IGF2BP2: variants seen among roughly 807,000 people sequenced by gnomAD.
The protein encoded by IGF2BP2 is insulin-like growth factor 2 mRNA-binding protein 2.
A neutral mutation model predicts 75.8 loss-of-function variants in IGF2BP2; 17 were observed. The ratio of observed to expected loss-of-function variants is 0.22; its 90% confidence interval spans 0.15 to 0.34. The LOEUF (loss-of-function observed/expected upper bound fraction) is 0.34, where lower values mean the gene tolerates loss of function less well. Among genes scored for constraint, IGF2BP2 ranks in the 10% least tolerant of loss-of-function variants. The probability of loss-of-function intolerance (pLI) is 1.00; values close to 1 mark genes in which losing one functional copy is unlikely to be tolerated. For synonymous variants in IGF2BP2, 288 were observed against 295.6 expected (o/e 0.97, Z 0.26); for missense variants, 516 against 772.4 (o/e 0.67, Z 3.93).
intron 4 of IGF2BP2, among the ~76,000 whole-genome samples, chr3:185,695,272 A>C (rs1474898773): frequency 6.6e-6 from 1 of 152,242 alleles, no homozygotes; most frequent in Non-Finnish European, 1.5e-5. Flanking sequence ...AAACTAGCAG[A>C]ATAGATCATA....
At chr3:185,719,841 A>G (rs983363165) in intron 2 of IGF2BP2, among the ~76,000 whole-genome samples, 14 of 152,082 alleles carry the variant, frequency 9.2e-5, no homozygotes, top group African/African-American at 3.1e-4. Context: ...CTCAAAAAAG[A>G]AAGGAAGGAA....
intron 2 of IGF2BP2, among the ~76,000 whole-genome samples, chr3:185,807,862 C>T (rs1009710632): frequency 2.0e-5 from 3 of 152,212 alleles, no homozygotes; most frequent in South Asian, 2.1e-4. Context: ...GCTGAGCCAT[C>T]GGATGACTGT....
At chr3:185,806,179 GA>G (rs970044513) in intron 2 of IGF2BP2, among the ~76,000 whole-genome samples, 3 of 150,224 alleles carry the variant, frequency 2.0e-5, no homozygotes, top group East Asian at 1.9e-4. Context: ...CCCTGAAGCA[GA>G]AAAAAAAAGT....
chr3:185,797,836 G>T (rs1355325493), intron 2 of IGF2BP2, among the ~76,000 whole-genome samples: 1 of 149,778 alleles, frequency 6.7e-6, no homozygotes, highest in Non-Finnish European at 1.5e-5. Context: ...GCCTGGCGAG[G>T]TCAAGGCTCC....
rs753600987 is a variant in IGF2BP2, at chr3:185,657,351, C to T, written c.1321G>A (p.Ala441Thr). ...TGTGCCCCCTTCTTCCCGATGATGG[C>T]GCCCACAGCCTGGGTTGGGATGAAG... The part of the protein sequence containing the change: ...NLFIPTQAVG[A>T]IIGKKGAHIK... Residue 441 changes from alanine (A) to threonine (T), a missense_variant, in exon 12 of 16, where the codon GCC (alanine) becomes ACC (threonine). Transcript: ENST00000382199. 8.1e-6 allele frequency: 13 copies of T among 1,613,822 alleles called. No homozygotes were observed. Among genetic ancestry groups the T allele is most frequent in the South Asian group, 3.3e-5 (3 of 91,006 alleles).
intron 6 of IGF2BP2, among the ~76,000 whole-genome samples, chr3:185,687,887 A>G (rs1332007883): frequency 6.6e-6 from 1 of 152,072 alleles, no homozygotes; most frequent in Non-Finnish European, 1.5e-5. Flanking sequence ...AAAAATGGGC[A>G]CACACTTTGA....
intron 8 of IGF2BP2, 48 bp from the exon 9 acceptor site, chr3:185,675,479 A>C: frequency 6.3e-7 from 1 of 1,582,892 alleles, no homozygotes; most frequent in South Asian, 1.2e-5. Context: ...CGGGAAAAAT[A>C]AAATGCCCAA....
chr3:185,786,277 C>T (rs1359296581), intron 2 of IGF2BP2, among the ~76,000 whole-genome samples: 1 of 152,104 alleles, frequency 6.6e-6, no homozygotes, highest in Non-Finnish European at 1.5e-5. Flanking sequence ...ACTGAGAAAT[C>T]CTGGTGTAGA....
At chr3:185,799,544 C>T (rs1417843373) in intron 2 of IGF2BP2, among the ~76,000 whole-genome samples, 2 of 152,136 alleles carry the variant, frequency 1.3e-5, no homozygotes, top group South Asian at 2.1e-4. Flanking sequence ...GTCAGGAGAC[C>T]GAGACCATCC....
At chr3:185,690,667 T>C (rs1721826602) in intron 5 of IGF2BP2, among the ~76,000 whole-genome samples, 2 of 152,234 alleles carry the variant, frequency 1.3e-5, no homozygotes, top group African/African-American at 4.8e-5. Context: ...CCTAGTAGAA[T>C]TGTTAACTAT....
intron 7 of IGF2BP2, among the ~76,000 whole-genome samples, chr3:185,683,753 A>C (rs978892013): frequency 6.6e-6 from 1 of 152,186 alleles, no homozygotes; most frequent in African/African-American, 2.4e-5. Context: ...ACAACTTTTA[A>C]AGAAGTTTTC....
chr3:185,673,127 C>T (rs1290956328), intron 9 of IGF2BP2, among the ~76,000 whole-genome samples: 1 of 152,194 alleles, frequency 6.6e-6, no homozygotes, highest in Non-Finnish European at 1.5e-5. Context: ...TCTTTCATCC[C>T]AAAGATCAGC....
chr3:185,777,286 A>G (rs1035990635), intron 2 of IGF2BP2, among the ~76,000 whole-genome samples: 1 of 152,212 alleles, frequency 6.6e-6, no homozygotes, highest in Non-Finnish European at 1.5e-5. Flanking sequence ...CCTGGGCAAC[A>G]TGGCAAAACC....
chr3:185,719,767 G>A (rs1243326090), intron 2 of IGF2BP2, among the ~76,000 whole-genome samples: 1 of 152,154 alleles, frequency 6.6e-6, no homozygotes, highest in African/African-American at 2.4e-5. Flanking sequence ...CTGGGAGGTG[G>A]AGGTTGCAGT....
At chr3:185,737,243 G>A (rs1207196355) in intron 2 of IGF2BP2, among the ~76,000 whole-genome samples, 1 of 152,028 alleles carries the variant, frequency 6.6e-6, no homozygotes, top group Non-Finnish European at 1.5e-5. Flanking sequence ...AGCAGCGTTG[G>A]CTCCTCTTTA....
chr3:185,775,484 A>T (rs1332413138), intron 2 of IGF2BP2, among the ~76,000 whole-genome samples: 1 of 152,228 alleles, frequency 6.6e-6, no homozygotes, highest in Non-Finnish European at 1.5e-5. Flanking sequence ...GAGCTAGAAC[A>T]GAGATGTACA....
rs555575114 is a variant in IGF2BP2 at position 185,740,947 on chromosome 3, G to A, written c.240-42600C>T. On this transcript the variant is annotated intron_variant, in intron 2 of 15. Coordinates refer to ENST00000382199, the MANE Select transcript of IGF2BP2 (RefSeq NM_006548.6). ...GGCTGGAGTGCGGTGGCGCGATCTC[G>A]GCTCACTGCAACCTCCGCCTCCCAG... is the stretch of plus-strand genomic sequence containing the variant. Among the ~76,000 whole-genome samples the A allele has an allele frequency of 6.1e-3, 927 of 152,226 alleles. 6 individuals are homozygous for A. The highest frequency in any genetic ancestry group is 0.021 in the African/African-American group (877 of 41,540).
At chr3:185,796,900 C>A (rs1737491120) in intron 2 of IGF2BP2, among the ~76,000 whole-genome samples, 1 of 152,158 alleles carries the variant, frequency 6.6e-6, no homozygotes, top group South Asian at 2.1e-4. Context: ...GAGCAACATA[C>A]CGTTGTCATC....
At chr3:185,778,719 G>A (rs1295966433) in intron 2 of IGF2BP2, among the ~76,000 whole-genome samples, 1 of 152,184 alleles carries the variant, frequency 6.6e-6, no homozygotes, top group Admixed American at 6.5e-5. Flanking sequence ...CATTTTTGGT[G>A]TCTTGTTTTC....
Sources: allele counts gnomAD v4.1 joint callset (sites outside exome capture counted in the v4.1 genomes callset), GRCh38; gene constraint gnomAD v4.1.1; transcripts MANE v1.5; gene names NCBI Gene and HGNC (gene_info 2026-07-23, HGNC 2026-07-21).